The following AGK variants were observed in gnomAD, a reference collection of about 807,000 sequenced individuals.
The protein encoded by AGK is acylglycerol kinase, mitochondrial.
A neutral mutation model predicts 66.4 loss-of-function variants in AGK; 52 were observed. That is an observed-to-expected ratio of 0.78 (90% CI 0.63 to 0.99). The LOEUF (loss-of-function observed/expected upper bound fraction) is 0.99. AGK is among the 50% of genes least tolerant of loss of function. The pLI is 0.00. For synonymous variants in AGK, 182 were observed against 181.1 expected (o/e 1.00, Z -0.04); for missense variants, 451 against 506.6 (o/e 0.89, Z 1.05).
chr7:141,640,007 G>A (rs1797254017), intron 11 of AGK, among the ~76,000 whole-genome samples: 1 of 152,196 alleles, frequency 6.6e-6, no homozygotes, highest in Non-Finnish European at 1.5e-5. Flanking sequence ...GGGAAAATGA[G>A]TGGTCAGGGA....
At chr7:141,616,316 C>T (rs923056916) in intron 8 of AGK, 1 of 152,100 alleles carries the variant, frequency 6.6e-6, no homozygotes, top group South Asian at 2.1e-4. Flanking sequence ...TGATGGTTAA[C>T]GTAAGCTTTG....
chr7:141,578,071 C>T (rs1398808204), intron 2 of AGK, among the ~76,000 whole-genome samples: 2 of 152,126 alleles, frequency 1.3e-5, no homozygotes, highest in Non-Finnish European at 2.9e-5. Context: ...CTGCCTTGGC[C>T]TCAGTATCAC....
At position 141,551,738 on chromosome 7, in the gene AGK, C is replaced by T. The variant is rs187834328; in HGVS notation, c.-15+304C>T. 2.3e-3 allele frequency among the ~76,000 whole-genome samples: 349 copies of T among 152,276 alleles called. 4 individuals carry two copies. Among genetic ancestry groups the T allele is most frequent in the African/African-American group, 7.6e-3 (317 of 41,562 alleles). On this transcript the variant is annotated intron_variant, in intron 1 of 15. Transcript: ENST00000649286. ...GAGCTGTCGCTAACTTGTGGACCCC[C>T]CTCACTTCGTCCCTTGGGCTTCAGC...
rs144706178 is a variant in AGK at position 141,614,171 on chromosome 7, C to G, written c.416C>G (p.Thr139Arg). 418 of 1,537,852 alleles carry G rather than the reference C, an allele frequency of 2.7e-4. 1 individual carries two copies. In the African/African-American group the frequency reaches 5.0e-3, roughly 18 times the overall value. ...QEVVTGVLRR[T>R]DEATFSKIPI... The stretch of plus-strand genomic sequence containing the variant: ...GTTGTTACTGGTGTTCTTCGACGAA[C>G]AGATGAGGTGAGCATTAAAGAGTAA... The change falls in exon 7 of 16, where the codon ACA (threonine) becomes AGA (arginine). Residue 139 changes from threonine to arginine, a missense_variant. Transcript: ENST00000649286.
intron 10 of AGK, among the ~76,000 whole-genome samples, chr7:141,636,543 A>AATGT (rs1158540188): frequency 2.0e-5 from 3 of 152,212 alleles, no homozygotes; most frequent in Non-Finnish European, 4.4e-5. Flanking sequence ...GATGATTTAA[A>AATGT]ATATACAAGA....
rs750045002 is a variant in AGK at position 141,555,523 on chromosome 7, C to T, written c.57C>T (p.Leu19=). ...RNHWKKTTAG[L]CLLTWGGHWL... ...ACTGGAAGAAAACTACAGCTGGGCT[C>T]TGCCTGCTGACCTGGGGAGGCCATT... The change falls in exon 2 of 16, where the codon CTC becomes CTT. Residue 19 remains leucine (L), a synonymous_variant. Coordinates refer to ENST00000649286, the MANE Select transcript of AGK (RefSeq NM_018238.4). The surrounding 1 kb of genome is among the most constrained non-coding windows in gnomAD (Gnocchi z 4.2). 1.2e-6 allele frequency: 2 copies of T among 1,614,164 alleles called. No homozygotes were observed. Among genetic ancestry groups the T allele is most frequent in the South Asian group, 2.2e-5 (2 of 91,056 alleles).
intron 2 of AGK, among the ~76,000 whole-genome samples, chr7:141,588,546 A>G (rs1796040094): frequency 6.6e-6 from 1 of 151,668 alleles, no homozygotes; most frequent in African/African-American, 2.4e-5. Context: ...AACCCGGGAG[A>G]TGGAAGTTTC....
At chr7:141,607,130 C>G (rs917732058) in intron 5 of AGK, among the ~76,000 whole-genome samples, 4 of 151,906 alleles carry the variant, frequency 2.6e-5, no homozygotes, top group Non-Finnish European at 4.4e-5. Context: ...TGTGCAGGTT[C>G]TCGGGTGGAC....
rs904908794 is a variant in AGK, at chr7:141,654,813, A to G, written c.*1889A>G. On this transcript the variant is annotated 3_prime_UTR_variant, in exon 16 of 16. Coordinates refer to ENST00000649286, the MANE Select transcript of AGK (RefSeq NM_018238.4). ...CCACACATCCCATGGAGAGAGACCA[A>G]TGCTTTAGTAGATTACAGAACAGCT... 1 of 152,254 alleles carries G rather than the reference A, an allele frequency of 6.6e-6. No homozygotes were observed. Among genetic ancestry groups the G allele is most frequent in the South Asian group, 2.1e-4 (1 of 4,834 alleles). 9.4% of individuals were successfully genotyped at this position (152,254 alleles called of 1,614,324 possible).
chr7:141,566,041 G>A lies in AGK; in HGVS notation c.101+10474G>A, dbSNP rs557919850. 2.0e-4 allele frequency among the ~76,000 whole-genome samples: 30 copies of A among 152,246 alleles called. No homozygotes were observed. The South Asian group carries it at 5.8e-3, about 29-fold the overall frequency. ...TAACACGTGGACCTTTCCGATCTTCGGAAGTGACATGTTCTTTCTGTTTCA... is the reference window on the plus strand; with the variant it reads ...TAACACGTGGACCTTTCCGATCTTCAGAAGTGACATGTTCTTTCTGTTTCA... On this transcript the variant is annotated intron_variant, in intron 2 of 15. Transcript: ENST00000649286.
chr7:141,564,035 A>G (rs780116521), intron 2 of AGK, among the ~76,000 whole-genome samples: 14 of 152,098 alleles, frequency 9.2e-5, no homozygotes, highest in Non-Finnish European at 1.9e-4. Flanking sequence ...ATCATAACTC[A>G]CTGCAGCCTC....
intron 8 of AGK, chr7:141,616,443 T>A (rs1796702613): frequency 6.6e-6 from 1 of 152,202 alleles, no homozygotes; most frequent in Non-Finnish European, 1.5e-5. Context: ...CCAAGTGATT[T>A]TCTGTTTTGG....
chr7:141,585,068 G>A (rs1178271204), intron 2 of AGK, among the ~76,000 whole-genome samples: 1 of 152,184 alleles, frequency 6.6e-6, no homozygotes, highest in Non-Finnish European at 1.5e-5. Flanking sequence ...GACCAGACTG[G>A]TAGGCCCTAA....
intron 1 of AGK, among the ~76,000 whole-genome samples, chr7:141,553,955 T>G (rs1225258607): frequency 6.6e-6 from 1 of 152,034 alleles, no homozygotes; most frequent in Non-Finnish European, 1.5e-5. Context: ...ATCTAGAAAA[T>G]AAGTTCATTT....
At chr7:141,565,200 A>G (rs962318861) in intron 2 of AGK, among the ~76,000 whole-genome samples, 6 of 151,832 alleles carry the variant, frequency 4.0e-5, no homozygotes, top group Non-Finnish European at 8.8e-5. Flanking sequence ...CTCTATAAAG[A>G]CCTCTTTTGA....
chr7:141,553,874 G>GT (rs553670464), intron 1 of AGK, among the ~76,000 whole-genome samples: 54 of 149,612 alleles, frequency 3.6e-4, no homozygotes, highest in African/African-American at 5.1e-4. Context: ...AGTGGAAACA[G>GT]TTTTTTTTTT....
chr7:141,588,198 T>C (rs1297164502), intron 2 of AGK, among the ~76,000 whole-genome samples: 2 of 152,228 alleles, frequency 1.3e-5, no homozygotes, highest in Non-Finnish European at 2.9e-5. Context: ...GTCTGAAGTT[T>C]AGAAGAAAAA....
intron 5 of AGK, among the ~76,000 whole-genome samples, chr7:141,604,127 G>T (rs1796398379): frequency 6.6e-6 from 1 of 151,610 alleles, no homozygotes; most frequent in African/African-American, 2.4e-5. Context: ...AAAATAAATA[G>T]AAATACTAAT....
At chr7:141,616,234 T>C (rs1796699065) in intron 8 of AGK, 1 of 152,240 alleles carries the variant, frequency 6.6e-6, no homozygotes, top group Non-Finnish European at 1.5e-5. Context: ...CAGTGATTAA[T>C]AACATCATTT....
Sources: gnomAD v4.1 joint callset for allele counts (sites outside exome capture counted in the v4.1 genomes callset) on GRCh38, gnomAD v4.1.1 for gene constraint, Gnocchi (gnomAD v3.1) non-coding constraint, MANE v1.5 for transcripts, NCBI Gene and HGNC (gene_info 2026-07-23, HGNC 2026-07-21) for gene names.